The following NAGK variants were observed in gnomAD, a reference collection of about 807,000 sequenced individuals.
NAGK encodes the protein N-acetyl-D-glucosamine kinase.
NAGK carries 35 observed loss-of-function variants against 42.9 expected under a neutral mutation model. The ratio of observed to expected loss-of-function variants is 0.82; its 90% CI spans 0.62 to 1.08. NAGK has a LOEUF of 1.08. Among genes scored for constraint, NAGK ranks in the 50% least tolerant of loss-of-function variants. The pLI is 0.00. For synonymous variants in NAGK, 172 were observed against 176.0 expected (o/e 0.98, Z 0.18); for missense variants, 446 against 446.0 (o/e 1.00, Z 0.00).
intron 1 of NAGK, chr2:71,068,922 G>A: frequency 7.7e-7 from 1 of 1,293,538 alleles, no homozygotes; most frequent in East Asian, 3.2e-5. Flanking sequence ...GCCACACCCC[G>A]GGTTGGGGAT....
At chr2:71,075,011 C>T (rs1672158243) in intron 6 of NAGK, 1 of 152,506 alleles carries the variant, frequency 6.6e-6, no homozygotes, top group Admixed American at 6.5e-5. Flanking sequence ...GAAGGACCTA[C>T]CTTCTGTGGT....
At chr2:71,069,734 T>C (rs190348494) in intron 1 of NAGK, 1 of 154,748 alleles carries the variant, frequency 6.5e-6, no homozygotes, top group Admixed American at 6.5e-5. Context: ...AAATTTCATG[T>C]CCTCTTTGAG....
intron 1 of NAGK, 104 bp downstream of exon 1, chr2:71,068,816 G>C: frequency 7.1e-7 from 1 of 1,409,786 alleles, no homozygotes; most frequent in Non-Finnish European, 9.2e-7. Flanking sequence ...CGGGCACTTT[G>C]GGCGGCGGGA....
chr2:71,078,461 G>T lies in NAGK; in HGVS notation c.988G>T (p.Asp330Tyr). The change falls in exon 10 of 10, where the codon GAC (aspartate) becomes TAC (tyrosine). Residue 330 changes from aspartate to tyrosine, a missense_variant. Transcript: ENST00000244204. ...ARHIGHLLPM[D>Y]YSANAIAFYS... ...GCACATCGGGCACCTCCTCCCCATG[G>T]ACTATAGCGCCAATGCCATTGCCTT... is the stretch of plus-strand genomic sequence containing the variant. The T allele has an allele frequency of 6.2e-7, 1 of 1,608,540 alleles. No individual in the cohort carries two copies. Among genetic ancestry groups the T allele is most frequent in the Non-Finnish European group, 8.5e-7 (1 of 1,177,308 alleles).
At chr2:71,071,647 T>C in intron 3 of NAGK, 39 bp from the exon 4 acceptor site, 1 of 1,582,700 alleles carries the variant, frequency 6.3e-7, no homozygotes, top group Non-Finnish European at 8.6e-7. Flanking sequence ...GAGCTGGGGC[T>C]GGGGCTCTGC....
At chr2:71,071,273 G>C in intron 3 of NAGK, 1 of 269,852 alleles carries the variant, frequency 3.7e-6, no homozygotes, top group South Asian at 5.8e-5. Flanking sequence ...TTTACTCCTG[G>C]TTCAGATCTT....
intron 8 of NAGK, among the ~76,000 whole-genome samples, chr2:71,077,230 G>A (rs544535693): frequency 3.8e-4 from 58 of 152,214 alleles, no homozygotes; most frequent in Non-Finnish European, 6.3e-4. Context: ...CCAAAGTGCC[G>A]GGATTACAGG....
At chr2:71,078,285 C>T (rs1170168020) in intron 9 of NAGK, 33 bp from the exon 10 acceptor site, 2 of 1,605,958 alleles carry the variant, frequency 1.2e-6, no homozygotes, top group South Asian at 1.1e-5. Flanking sequence ...TGCTGTTCTC[C>T]TCTTATCTCT....
At chr2:71,073,309 G>T in intron 5 of NAGK, 173 bp from the exon 6 acceptor site, 1 of 616,712 alleles carries the variant, frequency 1.6e-6, no homozygotes, top group Non-Finnish European at 2.9e-6. Context: ...GATACAGTTT[G>T]ATAGAGACCC....
chr2:71,068,317 G>C (rs1671851884), upstream of NAGK: 1 of 494,790 alleles, frequency 2.0e-6, no homozygotes. Flanking sequence ...AGCAACTTCC[G>C]GGCGTTTACA....
At chr2:71,069,032 T>A in intron 1 of NAGK, 9 of 1,109,314 alleles carry the variant, frequency 8.1e-6, no homozygotes, top group Non-Finnish European at 9.9e-6. Context: ...ATTCCTGACC[T>A]CGGACAGAGT....
At chr2:71,069,855 G>A (rs1041438117) in intron 1 of NAGK, 13 of 156,320 alleles carry the variant, frequency 8.3e-5, no homozygotes, top group African/African-American at 2.7e-4. Flanking sequence ...GTGACCCCCA[G>A]TAATCAACAT....
At position 71,071,821 on chromosome 2, in the gene NAGK, C is replaced by G. The variant is rs1572977082; in HGVS notation, c.349C>G (p.Pro117Ala). 6.2e-7 allele frequency: 1 copy of G among 1,614,040 alleles called. No individual in the cohort carries two copies. Among genetic ancestry groups the G allele is most frequent in the South Asian group, 1.1e-5 (1 of 91,086 alleles). ...DAAGSIATAT[P>A]DGGVVLISGT... The stretch of plus-strand genomic sequence containing the variant: ...CGCCGGCTCCATCGCCACAGCTACA[C>G]CGGATGGTGAGGAAGTGGAGGGAGG... The change falls in exon 4 of 10, where the codon CCG (proline) becomes GCG (alanine). Residue 117 changes from proline (P) to alanine (A), a missense_variant. Physicochemically the swap from Pro to Ala is conservative, Grantham distance 27. Coordinates refer to ENST00000244204, the MANE Select transcript of NAGK (RefSeq NM_017567.6).
chr2:71,068,756 C>T (rs1317345487), intron 1 of NAGK, 44 bp downstream of exon 1: 5 of 1,444,310 alleles, frequency 3.5e-6, no homozygotes, highest in Middle Eastern at 2.4e-4. Flanking sequence ...GAAGGCGGGG[C>T]GGAAGGCCGT....
upstream of NAGK, chr2:71,068,383 T>G (rs1178874624): frequency 1.9e-6 from 2 of 1,064,346 alleles, no homozygotes; most frequent in East Asian, 6.4e-5. Context: ...TACCCCTCTT[T>G]GATTCCTCCT....
chr2:71,073,633 TAGG>T (rs1483144315), intron 6 of NAGK, 39 bp downstream of exon 6: 1 of 1,500,290 alleles, frequency 6.7e-7, no homozygotes. Context: ...GCACCTGGGG[TAGG>T]GCAGTGAAAC....
rs1338870107 is a variant in NAGK at position 71,068,676 on chromosome 2, G to A, written c.-8G>A. The A allele has an allele frequency of 1.3e-6, 2 of 1,519,866 alleles. No homozygotes were observed. Among genetic ancestry groups the A allele is most frequent in the South Asian group, 1.2e-5 (1 of 81,524 alleles). 94.1% of individuals were successfully genotyped at this position (1,519,866 alleles called of 1,614,324 possible). On this transcript the variant is annotated 5_prime_UTR_variant, in exon 1 of 10. Coordinates refer to ENST00000244204, the MANE Select transcript of NAGK (RefSeq NM_017567.6). ...AACGGCGGGACCAGCAGCGACGGTA[G>A]CAGCAGCATGGCCGCGATCTATGGG...
intron 9 of NAGK, among the ~76,000 whole-genome samples, chr2:71,078,044 G>A (rs111275518): frequency 1.4e-4 from 21 of 152,190 alleles, no homozygotes; most frequent in African/African-American, 4.3e-4. Context: ...GGTTTCTACC[G>A]GACATTCTGA....
chr2:71,071,531 G>A, intron 3 of NAGK, 155 bp from the exon 4 acceptor site: 1 of 1,040,950 alleles, frequency 9.6e-7, no homozygotes, highest in East Asian at 2.7e-5. Flanking sequence ...AGCCTTCTGA[G>A]GGGTCATTGT....
Sources: allele counts gnomAD v4.1 joint callset (sites outside exome capture counted in the v4.1 genomes callset), GRCh38; gene constraint gnomAD v4.1.1; transcripts MANE v1.5; gene names NCBI Gene and HGNC (gene_info 2026-07-23, HGNC 2026-07-21).